The following FLT3 variants were observed in gnomAD, a reference collection of about 807,000 sequenced individuals.
The protein encoded by FLT3 is receptor-type tyrosine-protein kinase FLT3.
A neutral mutation model predicts 126.6 loss-of-function variants in FLT3; 46 were observed. The observed-to-expected ratio is 0.36, with a 90% CI of 0.29 to 0.46. The LOEUF (loss-of-function observed/expected upper bound fraction) is 0.46. FLT3 is among the 20% of genes least tolerant of loss of function. The pLI is 1.00. For missense variants in FLT3, 1,069 were observed against 1,190.3 expected, an observed-to-expected ratio of 0.90 and a Z score of 1.50; for synonymous variants, 404 against 434.4, an observed-to-expected ratio of 0.93 and a Z score of 0.87.
intron 2 of FLT3, chr13:28,068,367 T>G (rs769856730): frequency 6.6e-6 from 1 of 152,228 alleles, no homozygotes; most frequent in Non-Finnish European, 1.5e-5. Context: ...CCAAAGCTCA[T>G]GTTGAAACGC....
At chr13:28,072,955 A>G (rs1424651946) in intron 1 of FLT3, among the ~76,000 whole-genome samples, 1 of 151,894 alleles carries the variant, frequency 6.6e-6, no homozygotes, top group African/African-American at 2.4e-5. Context: ...CAGTGAGCCA[A>G]GATCGTGCCA....
rs587778371 is a variant in FLT3, at chr13:28,049,673, C to A, written c.844G>T (p.Gly282Trp). The change falls in exon 7 of 24, where the codon GGG becomes TGG. Residue 282 changes from glycine to tryptophan, a missense_variant. Gly to Trp is a radical substitution (Grantham distance 184). Coordinates refer to ENST00000241453, the MANE Select transcript of FLT3 (RefSeq NM_004119.3). ...CKAVHVNHGF[G>W]LTWELENKAL... ...TTGTTTTCTAATTCCCAGGTGAGCC[C>A]GAATCCATGGTTCACATGAACAGCT... 3 of 1,613,960 alleles carry A rather than the reference C, an allele frequency of 1.9e-6. No individual in the cohort carries two copies. Among genetic ancestry groups the A allele is most frequent in the Non-Finnish European group, 2.5e-6 (3 of 1,180,016 alleles).
intron 2 of FLT3, among the ~76,000 whole-genome samples, chr13:28,062,929 GAT>G (rs1486537108): frequency 6.6e-6 from 1 of 152,012 alleles, no homozygotes; most frequent in Non-Finnish European, 1.5e-5. Context: ...AGAATTGTGA[GAT>G]AATAAATTTC....
intron 1 of FLT3, among the ~76,000 whole-genome samples, chr13:28,084,953 C>T (rs1470488479): frequency 2.2e-5 from 3 of 136,252 alleles, no homozygotes; most frequent in African/African-American, 5.6e-5. Flanking sequence ...CCAGCCTGGG[C>T]GACAGAGCGA....
rs550864582 is a variant in FLT3, at chr13:28,070,462, C to CT, written c.165+28dup. The CT allele has an allele frequency of 1.9e-4, 307 of 1,592,214 alleles. 1 individual carries two copies. In the African/African-American group the frequency reaches 3.6e-3, roughly 19 times the overall value. ...AATTACGTTCTCTAGAGAAAAACAG[C>CT]TAAAGGTATAATTTTAATGTTACTT... is the stretch of plus-strand genomic sequence containing the variant. On this transcript the variant is annotated intron_variant, in intron 2 of 23. Coordinates refer to ENST00000241453, the MANE Select transcript of FLT3 (RefSeq NM_004119.3).
chr13:28,077,435 C>T (rs1878031399), intron 1 of FLT3, among the ~76,000 whole-genome samples: 2 of 152,112 alleles, frequency 1.3e-5, no homozygotes, highest in Admixed American at 1.3e-4. Context: ...CCCTGATAAA[C>T]CCATCAGATC....
chr13:28,062,170 C>A lies in FLT3; in HGVS notation c.166-101G>T, dbSNP rs1876630291. 4 of 805,774 alleles carry A rather than the reference C, an allele frequency of 5.0e-6. No individual in the cohort carries two copies. In the East Asian group the frequency reaches 7.5e-5, roughly 15 times the overall value. 49.9% of individuals were successfully genotyped at this position (805,774 alleles called of 1,614,324 possible). A position where few individuals can be genotyped will look rare whatever the true frequency, so the allele number is the denominator to read the frequency against. On this transcript the variant is annotated intron_variant, in intron 2 of 23. Coordinates refer to ENST00000241453, the MANE Select transcript of FLT3 (RefSeq NM_004119.3). ...TATCAAACATATGCATGCTGACACA[C>A]TGCACGCAACACCCACACAAGCTGG...
intron 1 of FLT3, among the ~76,000 whole-genome samples, chr13:28,091,275 G>A (rs907557721): frequency 8.2e-5 from 10 of 121,222 alleles, no homozygotes; most frequent in East Asian, 5.3e-4. Context: ...AGGCTGGAGT[G>A]CAGTGGCGCG....
chr13:28,098,314 C>CAAAAAAAAAAAAAAAAAAAA (rs55675449), intron 1 of FLT3, among the ~76,000 whole-genome samples: 14 of 85,296 alleles, frequency 1.6e-4, no homozygotes, highest in African/African-American at 5.5e-4. Context: ...GACTCCGTCT[C>CAAAAAAAAAAAAAAAAAAAA]AAAAAAAAAA....
chr13:28,049,962 T>C (rs543448243), intron 6 of FLT3, 133 bp downstream of exon 6: 13 of 1,171,950 alleles, frequency 1.1e-5, no homozygotes, highest in African/African-American at 3.1e-5. Context: ...ATCCATAATA[T>C]TGCATTTACT....
chr13:28,020,015 G>A (rs1872241232), intron 19 of FLT3, among the ~76,000 whole-genome samples: 1 of 152,140 alleles, frequency 6.6e-6, no homozygotes, highest in Non-Finnish European at 1.5e-5. Context: ...CTTCAGACAG[G>A]AGAAGTGTCC....
At position 28,070,612 on chromosome 13, in the gene FLT3, A is replaced by G. The variant is rs376016497; in HGVS notation, c.44T>C (p.Val15Ala). 1.9e-6 allele frequency: 3 copies of G among 1,594,036 alleles called. No homozygotes were observed. Among genetic ancestry groups the G allele is most frequent in the Non-Finnish European group, 2.6e-6 (3 of 1,165,366 alleles). ...CCCAAATATCATTGCAGAAAAAACA[A>G]CTGTAAAACAAAATAAAAATGATAA... ...ARDGGQLPLLVVFSAMIFGTI... is the reference protein window; with the variant it reads ...ARDGGQLPLLAVFSAMIFGTI... Residue 15 changes from valine (V) to alanine (A), a missense_variant and splice_region_variant, in exon 2 of 24, where the codon GTT becomes GCT. Physicochemically the swap from Val to Ala is moderately conservative, Grantham distance 64. Coordinates refer to ENST00000241453, the MANE Select transcript of FLT3 (RefSeq NM_004119.3).
chr13:28,053,397 G>GATATATATATAT (rs10522717), intron 4 of FLT3, among the ~76,000 whole-genome samples: 35 of 134,898 alleles, frequency 2.6e-4, no homozygotes, highest in African/African-American at 7.5e-4. Context: ...TGTACTGTTT[G>GATATATATATAT]ATATATATAT....
chr13:28,031,778 G>C (rs150140296), intron 15 of FLT3, among the ~76,000 whole-genome samples: 112 of 152,276 alleles, frequency 7.4e-4, no homozygotes, highest in African/African-American at 2.3e-3. Flanking sequence ...AGCGCTCTGG[G>C]GTGCCGAGAG....
intron 23 of FLT3, among the ~76,000 whole-genome samples, chr13:28,012,844 G>C: frequency 6.6e-6 from 1 of 152,076 alleles, no homozygotes; most frequent in Non-Finnish European, 1.5e-5. Context: ...GGCTGAGGTG[G>C]GAGGATTGCT....
intron 23 of FLT3, among the ~76,000 whole-genome samples, chr13:28,011,131 G>A (rs113143173): frequency 0.26 from 39,941 of 151,028 alleles, 5,315 homozygotes; most frequent in Non-Finnish European, 0.28. Context: ...ACAATATGGT[G>A]AAACTCCGTC....
chr13:28,015,544 G>C, intron 21 of FLT3, 46 bp downstream of exon 21: 1 of 1,088,464 alleles, frequency 9.2e-7, no homozygotes, highest in Non-Finnish European at 1.4e-6. Context: ...GAGAGCAGAG[G>C]ATGCAAAGCC....
chr13:28,065,831 G>GTAATAATAATAATAATAATAA (rs59880929), intron 2 of FLT3, among the ~76,000 whole-genome samples: 34 of 126,902 alleles, frequency 2.7e-4, no homozygotes, highest in African/African-American at 9.2e-4. Flanking sequence ...TTGTCTCAAA[G>GTAATAATAATAATAATAATAA]TAATAATAAT....
chr13:28,082,016 C>T lies in FLT3; in HGVS notation c.44-11404G>A, dbSNP rs1193577708. 5.3e-5 allele frequency among the ~76,000 whole-genome samples: 8 copies of T among 151,236 alleles called. No individual in the cohort carries two copies. In the South Asian group the frequency reaches 6.3e-4, roughly 12 times the overall value. On this transcript the variant is annotated intron_variant, in intron 1 of 23. Coordinates refer to ENST00000241453, the MANE Select transcript of FLT3 (RefSeq NM_004119.3). ...GATTACAGGTGCCCACCATCATGCC[C>T]GGCTAATTTTTATATTTTTAGTAAA...
Sources: gnomAD v4.1 joint callset for allele counts (sites outside exome capture counted in the v4.1 genomes callset) on GRCh38, gnomAD v4.1.1 for gene constraint, MANE v1.5 for transcripts, NCBI Gene and HGNC (gene_info 2026-07-23, HGNC 2026-07-21) for gene names.